ATXN10: variants seen among roughly 807,000 people sequenced by gnomAD.
ATXN10 encodes ataxin 10, also known as ataxin-10.
In ATXN10, 28 loss-of-function variants were observed where a neutral mutation model predicts 52.9. The observed-to-expected ratio is 0.53, with a 90% CI of 0.39 to 0.73. The LOEUF (loss-of-function observed/expected upper bound fraction) is 0.73, where lower values mean the gene tolerates loss of function less well. ATXN10 is among the 30% of genes least tolerant of loss of function. The probability of loss-of-function intolerance (pLI) is 0.00; values close to 1 mark genes in which losing one functional copy is unlikely to be tolerated. For synonymous variants in ATXN10, 226 were observed against 221.5 expected (o/e 1.02, Z -0.18); for missense variants, 565 against 577.0 (o/e 0.98, Z 0.21).
rs1452210348 is a variant in ATXN10 at position 45,824,195 on chromosome 22, A to G, written c.1237+17173A>G. On this transcript the variant is annotated intron_variant, in intron 10 of 11. Transcript: ENST00000252934. This position sits in a 1 kb window ranked among gnomAD's most constrained non-coding sequence, Gnocchi z 5.2. ...TGGCCACCCTCTTCTAATATCCCAC[A>G]CTGCCCCTGCAGCTCACAGAGACCT... Among the ~76,000 whole-genome samples the G allele has an allele frequency of 1.3e-5, 2 of 151,678 alleles. No individual in the cohort carries two copies. Among genetic ancestry groups the G allele is most frequent in the Non-Finnish European group, 2.9e-5 (2 of 67,940 alleles).
rs1418938416 is a variant in ATXN10 at position 45,683,491 on chromosome 22, T to C, written c.117-6221T>C. The stretch of plus-strand genomic sequence containing the variant: ...CAGCCCTGACTTCCCTGTGACGTGC[T>C]CTGTATGCCTTTGCCTCTAGTCCAA... On this transcript the variant is annotated intron_variant, in intron 1 of 11. Transcript: ENST00000252934. This position sits in a 1 kb window ranked among gnomAD's most constrained non-coding sequence, Gnocchi z 4.8. 6.6e-5 allele frequency among the ~76,000 whole-genome samples: 10 copies of C among 152,208 alleles called. No individual in the cohort carries two copies.
chr22:45,796,976 C>T (rs981761276), intron 9 of ATXN10, among the ~76,000 whole-genome samples: 1 of 152,082 alleles, frequency 6.6e-6, no homozygotes, highest in African/African-American at 2.4e-5. Flanking sequence ...AAGAATTTCC[C>T]TAGATGTAAA....
intron 9 of ATXN10, among the ~76,000 whole-genome samples, chr22:45,741,019 G>A (rs1485214744): frequency 6.6e-6 from 1 of 152,090 alleles, no homozygotes; most frequent in African/African-American, 2.4e-5. Context: ...CTTATGTGCA[G>A]AAGAGCTTAA....
In ATXN10 at chr22:45,754,763, G is replaced by A. The variant is rs1926115019; in HGVS notation, c.1173+14225G>A. On this transcript the variant is annotated intron_variant, in intron 9 of 11. Coordinates refer to ENST00000252934, the MANE Select transcript of ATXN10 (RefSeq NM_013236.4). The surrounding 1 kb of genome is among the most constrained non-coding windows in gnomAD (Gnocchi z 5.4). ...CCAGCTACTTGGGAGGCTGAGGCAG[G>A]AGGATCGCTTGAACTCTGGAGGCAG... 6.6e-6 allele frequency among the ~76,000 whole-genome samples: 1 copy of A among 152,252 alleles called. No individual in the cohort carries two copies. The highest frequency in any genetic ancestry group is 1.5e-5 in the Non-Finnish European group (1 of 68,048).
rs1925672182 is a variant in ATXN10 at position 45,744,969 on chromosome 22, G to T, written c.1173+4431G>T. The stretch of plus-strand genomic sequence containing the variant: ...GACTTCCCTTTACCTCGTCATGGTA[G>T]GGAGGTGTCAAATCCTTACTGACTT... On this transcript the variant is annotated intron_variant, in intron 9 of 11. Coordinates refer to ENST00000252934, the MANE Select transcript of ATXN10 (RefSeq NM_013236.4). This position sits in a 1 kb window ranked among gnomAD's most constrained non-coding sequence, Gnocchi z 4.9. Among the ~76,000 whole-genome samples the T allele has an allele frequency of 6.6e-6, 1 of 152,172 alleles. No homozygotes were observed. The highest frequency in any genetic ancestry group is 2.1e-4 in the South Asian group (1 of 4,830).
chr22:45,839,057 G>T (rs574703774), intron 10 of ATXN10, among the ~76,000 whole-genome samples: 3 of 152,242 alleles, frequency 2.0e-5, no homozygotes, highest in African/African-American at 4.8e-5. Context: ...TCCTTAAACC[G>T]GAAGGAAAGA....
chr22:45,700,849 A>G (rs905817791), intron 4 of ATXN10, among the ~76,000 whole-genome samples: 4 of 152,092 alleles, frequency 2.6e-5, no homozygotes, highest in Non-Finnish European at 5.9e-5. Context: ...AGATAAGAAG[A>G]AGATGTGGAT....
At chr22:45,742,666 G>A (rs1164558105) in intron 9 of ATXN10, among the ~76,000 whole-genome samples, 1 of 152,116 alleles carries the variant, frequency 6.6e-6, no homozygotes, top group Non-Finnish European at 1.5e-5. Flanking sequence ...AAATAAAACG[G>A]CCGCTTTAGG....
At chr22:45,753,972 A>G (rs1452065507) in intron 9 of ATXN10, among the ~76,000 whole-genome samples, 1 of 152,130 alleles carries the variant, frequency 6.6e-6, no homozygotes, top group Non-Finnish European at 1.5e-5. Context: ...CAGTCCTGAA[A>G]ACTCTAGCCT....
rs1924419441 is a variant in ATXN10 at position 45,715,692 on chromosome 22, T to C, written c.648-2721T>C. 6.6e-6 allele frequency among the ~76,000 whole-genome samples: 1 copy of C among 152,122 alleles called. No homozygotes were observed. Among genetic ancestry groups the C allele is most frequent in the African/African-American group, 2.4e-5 (1 of 41,408 alleles). On this transcript the variant is annotated intron_variant, in intron 5 of 11. Transcript: ENST00000252934. The surrounding 1 kb of genome is among the most constrained non-coding windows in gnomAD (Gnocchi z 4.4). ...TCGTAGGTAGCCACCTTCACCTGAG[T>C]GATATTTATAGACCTTCCCTTAGTA... is the stretch of plus-strand genomic sequence containing the variant.
intron 10 of ATXN10, among the ~76,000 whole-genome samples, chr22:45,838,558 C>T (rs560261724): frequency 1.5e-4 from 23 of 152,326 alleles, no homozygotes; most frequent in Admixed American, 1.4e-3. Flanking sequence ...GGATTAGAGA[C>T]TTTAGAAGAT....
At position 45,671,983 on chromosome 22, in the gene ATXN10, C is replaced by T; in HGVS notation, c.-81C>T. 1.4e-6 allele frequency: 2 copies of T among 1,466,868 alleles called. No homozygotes were observed. The highest frequency in any genetic ancestry group is 1.8e-6 in the Non-Finnish European group (2 of 1,090,074). 90.9% of individuals were successfully genotyped at this position (1,466,868 alleles called of 1,614,324 possible). A position where few individuals can be genotyped will look rare whatever the true frequency, so the allele number is the denominator to read the frequency against. On this transcript the variant is annotated 5_prime_UTR_variant, in exon 1 of 12. Coordinates refer to ENST00000252934, the MANE Select transcript of ATXN10 (RefSeq NM_013236.4). ...CCCCCTTCCTCCTCGCCATCCTACT[C>T]CTCCCTCCTCGTCATCCTCCCCCTT...
At position 45,696,436 on chromosome 22, in the gene ATXN10, G is replaced by A. The variant is rs533430217; in HGVS notation, c.391+3358G>A. ...GGAGGTTTCTCTTTTAATGATATAT[G>A]CTAAATAAAGAAGCAAAGGGGAAGT... On this transcript the variant is annotated intron_variant, in intron 3 of 11. Transcript: ENST00000252934. This position sits in a 1 kb window ranked among gnomAD's most constrained non-coding sequence, Gnocchi z 4.7. Among the ~76,000 whole-genome samples the A allele has an allele frequency of 1.3e-5, 2 of 152,170 alleles. No individual in the cohort carries two copies. The highest frequency in any genetic ancestry group is 1.5e-5 in the Non-Finnish European group (1 of 68,028).
intron 1 of ATXN10, 135 bp from the exon 2 acceptor site, chr22:45,689,577 T>TGGCGG: frequency 1.7e-6 from 1 of 601,592 alleles, no homozygotes; most frequent in Non-Finnish European, 2.9e-6. Flanking sequence ...TTATTTGGTG[T>TGGCGG]TGTAAATTAA....
chr22:45,712,863 C>T lies in ATXN10; in HGVS notation c.648-5550C>T, dbSNP rs1924303500. On this transcript the variant is annotated intron_variant, in intron 5 of 11. Transcript: ENST00000252934. The surrounding 1 kb of genome is among the most constrained non-coding windows in gnomAD (Gnocchi z 4.6). The stretch of plus-strand genomic sequence containing the variant: ...TCTAGACCAGCTTTGTAAGCTTTGT[C>T]CAAATTGCTGTGTTAAGCAACTGTG... Among the ~76,000 whole-genome samples the T allele has an allele frequency of 6.6e-6, 1 of 152,090 alleles. No homozygotes were observed. Among genetic ancestry groups the T allele is most frequent in the African/African-American group, 2.4e-5 (1 of 41,422 alleles).
intron 9 of ATXN10, among the ~76,000 whole-genome samples, chr22:45,800,463 G>C (rs1927895035): frequency 6.6e-6 from 1 of 152,194 alleles, no homozygotes; most frequent in African/African-American, 2.4e-5. Flanking sequence ...GTGTTGATAA[G>C]GATCTAGAGT....
At position 45,833,356 on chromosome 22, in the gene ATXN10, C is replaced by T. The variant is rs1227386743; in HGVS notation, c.1238-9635C>T. ...CATTGGAGCAAGTGCTACCAGATGC[C>T]CAGACACTGGTGTGTACAGCATAAG... On this transcript the variant is annotated intron_variant, in intron 10 of 11. Transcript: ENST00000252934. This position sits in a 1 kb window ranked among gnomAD's most constrained non-coding sequence, Gnocchi z 4.3. 1.3e-5 allele frequency among the ~76,000 whole-genome samples: 2 copies of T among 152,116 alleles called. No individual in the cohort carries two copies. The highest frequency in any genetic ancestry group is 2.9e-5 in the Non-Finnish European group (2 of 68,018).
Position 45,718,501 on chromosome 22 carries a change from C to G in ATXN10, c.728+8C>G, listed in dbSNP as rs375108647. On this transcript the variant is annotated splice_region_variant and intron_variant, in intron 6 of 11. Transcript: ENST00000252934. The surrounding 1 kb of genome is among the most constrained non-coding windows in gnomAD (Gnocchi z 4.4). ...ACTGAACAATCAAGAAAGGTAACCC[C>G]CCAACCAGCGTGGTCTGGAGTATTT... 3.1e-6 allele frequency: 5 copies of G among 1,611,720 alleles called. No homozygotes were observed. Among genetic ancestry groups the G allele is most frequent in the East Asian group, 2.2e-5 (1 of 44,862 alleles).
At chr22:45,749,485 C>T (rs1371912263) in intron 9 of ATXN10, among the ~76,000 whole-genome samples, 1 of 152,198 alleles carries the variant, frequency 6.6e-6, no homozygotes, top group African/African-American at 2.4e-5. Flanking sequence ...GCTTTTTCCA[C>T]AATTCTTACT....
Sources: allele counts gnomAD v4.1 joint callset (sites outside exome capture counted in the v4.1 genomes callset), GRCh38; gene constraint gnomAD v4.1.1; non-coding constraint Gnocchi (gnomAD v3.1); transcripts MANE v1.5; gene names NCBI Gene and HGNC (gene_info 2026-07-23, HGNC 2026-07-21).